Variants in SORCS3 observed in about 807,000 individuals in gnomAD.
SORCS3 encodes VPS10 domain-containing receptor SorCS3.
SORCS3 carries 57 observed loss-of-function variants against 146.3 expected under a neutral mutation model. That is an observed-to-expected ratio of 0.39 (90% CI 0.31 to 0.49). The LOEUF is 0.49. SORCS3 is among the 20% of genes least tolerant of loss of function. The pLI is 0.92. For missense variants in SORCS3, 1,341 were observed against 1,575.5 expected (o/e 0.85, Z 2.52); for synonymous variants, 653 against 618.5 (o/e 1.06, Z -0.83).
chr10:104,757,523 C>T (rs1049823986), intron 1 of SORCS3, among the ~76,000 whole-genome samples: 6 of 152,258 alleles, frequency 3.9e-5, no homozygotes, highest in Admixed American at 3.9e-4. Flanking sequence ...CGAGGTGTTA[C>T]TGTGAATTTT....
At chr10:104,821,535 CT>C (rs1382058802) in intron 1 of SORCS3, among the ~76,000 whole-genome samples, 1 of 152,204 alleles carries the variant, frequency 6.6e-6, no homozygotes, top group Non-Finnish European at 1.5e-5. Flanking sequence ...GAGTCTGTTG[CT>C]ACCATCTATC....
At position 105,223,263 on chromosome 10, in the gene SORCS3, T is replaced by C. The variant is rs764729397; in HGVS notation, c.2868+14T>C. 1 of 1,600,444 alleles carries C rather than the reference T, an allele frequency of 6.2e-7. No homozygotes were observed. Among genetic ancestry groups the C allele is most frequent in the Admixed American group, 1.7e-5 (1 of 58,786 alleles). On this transcript the variant is annotated intron_variant, in intron 20 of 26. Coordinates refer to ENST00000369701, the MANE Select transcript of SORCS3 (RefSeq NM_014978.3). ...AATAGCACAAAGGTTTGGCCCTTTCTGATTGATGTCAAATTAGATCTGTAC... is the reference window on the plus strand; with the variant it reads ...AATAGCACAAAGGTTTGGCCCTTTCCGATTGATGTCAAATTAGATCTGTAC...
chr10:104,915,532 G>A (rs1355671674), intron 2 of SORCS3, among the ~76,000 whole-genome samples: 10 of 147,334 alleles, frequency 6.8e-5, no homozygotes, highest in African/African-American at 1.3e-4. Context: ...GGGGTGGGGC[G>A]GGGCTGAGCA....
intron 5 of SORCS3, among the ~76,000 whole-genome samples, chr10:105,058,587 G>A (rs1231105957): frequency 2.0e-5 from 3 of 152,164 alleles, no homozygotes; most frequent in Non-Finnish European, 4.4e-5. Context: ...AGGTTAGGGA[G>A]AAGAAAACAC....
At chr10:104,808,905 C>T (rs2017710280) in intron 1 of SORCS3, among the ~76,000 whole-genome samples, 1 of 152,152 alleles carries the variant, frequency 6.6e-6, no homozygotes, top group African/African-American at 2.4e-5. Context: ...TGAAGACGTG[C>T]TGGTGATAGA....
intron 3 of SORCS3, among the ~76,000 whole-genome samples, chr10:104,955,539 T>G (rs1487246259): frequency 1.3e-5 from 2 of 152,162 alleles, no homozygotes; most frequent in African/African-American, 2.4e-5. Flanking sequence ...TACTTAGGAG[T>G]TAAATTTGTA....
At chr10:104,918,570 C>G (rs532430483) in intron 3 of SORCS3, among the ~76,000 whole-genome samples, 1 of 152,210 alleles carries the variant, frequency 6.6e-6, no homozygotes, top group African/African-American at 2.4e-5. Flanking sequence ...GCCCTTCTCC[C>G]TTCTTGAGAA....
chr10:104,977,736 T>TG (rs202016508), intron 4 of SORCS3, among the ~76,000 whole-genome samples: 1 of 147,470 alleles, frequency 6.8e-6, no homozygotes, highest in African/African-American at 2.5e-5. Context: ...TTTTCTTTTT[T>TG]TTTTTTTTTT....
chr10:105,243,834 G>A (rs2056850878), intron 20 of SORCS3, among the ~76,000 whole-genome samples: 1 of 152,210 alleles, frequency 6.6e-6, no homozygotes, highest in Non-Finnish European at 1.5e-5. Flanking sequence ...TTCAAGGCCA[G>A]TTGAAAAGTC....
intron 4 of SORCS3, among the ~76,000 whole-genome samples, chr10:105,030,385 A>G (rs994459674): frequency 1.3e-5 from 2 of 152,028 alleles, no homozygotes; most frequent in Non-Finnish European, 2.9e-5. Flanking sequence ...ATTCTCTTCT[A>G]TATGGTCTGT....
At chr10:104,959,383 T>C (rs2054778362) in intron 3 of SORCS3, among the ~76,000 whole-genome samples, 1 of 152,100 alleles carries the variant, frequency 6.6e-6, no homozygotes, top group African/African-American at 2.4e-5. Flanking sequence ...ATTAGTATCC[T>C]TATAAAAGGG....
intron 7 of SORCS3, among the ~76,000 whole-genome samples, chr10:105,120,564 C>T (rs1366148603): frequency 6.6e-6 from 1 of 152,090 alleles, no homozygotes; most frequent in Non-Finnish European, 1.5e-5. Context: ...TCTCCTTGCT[C>T]CATTCAGAAC....
At chr10:105,248,853 C>A (rs1436697635) in intron 22 of SORCS3, among the ~76,000 whole-genome samples, 3 of 151,952 alleles carry the variant, frequency 2.0e-5, no homozygotes, top group Non-Finnish European at 4.4e-5. Context: ...TTTGAGAGAC[C>A]AAAAGAAGCT....
intron 3 of SORCS3, among the ~76,000 whole-genome samples, chr10:104,974,422 T>C (rs1215737548): frequency 1.3e-5 from 2 of 152,212 alleles, no homozygotes; most frequent in Non-Finnish European, 2.9e-5. Context: ...GCTCTTCTTG[T>C]TTAATTGATC....
At chr10:104,862,988 T>C (rs1384308929) in intron 2 of SORCS3, among the ~76,000 whole-genome samples, 2 of 152,212 alleles carry the variant, frequency 1.3e-5, no homozygotes, top group African/African-American at 4.8e-5. Context: ...TGACATTCAT[T>C]TGGGGAAACA....
chr10:105,090,003 A>C (rs2055690957), intron 6 of SORCS3, among the ~76,000 whole-genome samples, 164 bp downstream of exon 6: 1 of 152,170 alleles, frequency 6.6e-6, no homozygotes, highest in African/African-American at 2.4e-5. Flanking sequence ...TCCTTTCCTA[A>C]GGGAGACTTT....
chr10:104,717,015 C>G (rs12781465), intron 1 of SORCS3, among the ~76,000 whole-genome samples: 117 of 152,292 alleles, frequency 7.7e-4, no homozygotes, highest in Non-Finnish European at 1.5e-3. Flanking sequence ...ATGGGCCAGG[C>G]ACAGTGGCTC....
intron 1 of SORCS3, among the ~76,000 whole-genome samples, chr10:104,758,952 C>T (rs909470638): frequency 6.6e-6 from 1 of 152,132 alleles, no homozygotes; most frequent in African/African-American, 2.4e-5. Context: ...ATTGTGTCTC[C>T]CTAGAATTTA....
intron 2 of SORCS3, among the ~76,000 whole-genome samples, chr10:104,860,686 T>C (rs1289386840): frequency 6.6e-6 from 1 of 152,190 alleles, no homozygotes; most frequent in Non-Finnish European, 1.5e-5. Context: ...GCTTTACATA[T>C]GTTTAACTCA....
Sources: allele counts gnomAD v4.1 joint callset (sites outside exome capture counted in the v4.1 genomes callset), GRCh38; gene constraint gnomAD v4.1.1; transcripts MANE v1.5; gene names NCBI Gene and HGNC (gene_info 2026-07-23, HGNC 2026-07-21).